Variants in PBX1 observed in about 807,000 individuals in gnomAD.
The protein encoded by PBX1 is PBX homeobox 1, also known as pre-B-cell leukemia transcription factor 1.
PBX1 carries 6 observed loss-of-function variants against 53.4 expected under a neutral mutation model. The ratio of observed to expected loss-of-function variants is 0.11; its 90% CI spans 0.06 to 0.22. The LOEUF is 0.22. Among genes scored for constraint, PBX1 ranks in the 10% least tolerant of loss-of-function variants. The pLI is 1.00. For missense variants in PBX1, 251 were observed against 551.4 expected, an observed-to-expected ratio of 0.46 and a Z score of 5.46; for synonymous variants, 204 against 212.3, an observed-to-expected ratio of 0.96 and a Z score of 0.34.
intron 8 of PBX1, 138 bp from the exon 9 acceptor site, chr1:164,846,446 T>C: frequency 1.3e-6 from 1 of 741,200 alleles, no homozygotes; most frequent in Non-Finnish European, 2.4e-6. Context: ...CCCACAGTAA[T>C]AGTTGCCCAT....
chr1:164,732,883 A>G (rs984510753), intron 2 of PBX1, among the ~76,000 whole-genome samples: 6 of 152,064 alleles, frequency 3.9e-5, no homozygotes, highest in African/African-American at 1.4e-4. Context: ...TGAATTCTCA[A>G]AGACAGAAAT....
chr1:164,663,273 CCTG>C (rs572959335), intron 2 of PBX1, among the ~76,000 whole-genome samples: 14 of 151,056 alleles, frequency 9.3e-5, no homozygotes, highest in African/African-American at 3.2e-4. Flanking sequence ...TGCCTGCCTG[CCTG>C]CCTGCCTTCC....
intron 2 of PBX1, among the ~76,000 whole-genome samples, chr1:164,771,968 G>A (rs1039817286): frequency 2.6e-5 from 4 of 152,192 alleles, no homozygotes; most frequent in African/African-American, 7.2e-5. Context: ...CTTTGTAAGG[G>A]AAGATAGAGC....
At chr1:164,764,737 G>A (rs74722164) in intron 2 of PBX1, among the ~76,000 whole-genome samples, 3,016 of 151,764 alleles carry the variant, frequency 0.02, 52 homozygotes, top group Non-Finnish European at 0.029. Context: ...TGGCAACTTC[G>A]GCCCACAAAT....
chr1:164,562,951 T>G (rs1037114067), intron 1 of PBX1: 4 of 192,816 alleles, frequency 2.1e-5, no homozygotes, highest in African/African-American at 9.5e-5. Context: ...GAATTACTCT[T>G]TGATTAAACT....
At chr1:164,693,293 G>T (rs748284090) in intron 2 of PBX1, among the ~76,000 whole-genome samples, 5 of 152,222 alleles carry the variant, frequency 3.3e-5, no homozygotes, top group Admixed American at 1.3e-4. Flanking sequence ...TTTCAGGGTG[G>T]CCCTGAGATA....
intron 2 of PBX1, among the ~76,000 whole-genome samples, chr1:164,750,243 A>G (rs372446266): frequency 7.2e-5 from 11 of 151,808 alleles, no homozygotes; most frequent in African/African-American, 2.7e-4. Flanking sequence ...CTTTCTTACT[A>G]AAATGCATGT....
At chr1:164,620,839 C>T (rs535301974) in intron 2 of PBX1, among the ~76,000 whole-genome samples, 38 of 151,868 alleles carry the variant, frequency 2.5e-4, no homozygotes, top group African/African-American at 8.0e-4. Flanking sequence ...CCTGCTGCCA[C>T]GCCAAGCTAA....
At chr1:164,814,510 G>C (rs1669781554) in intron 6 of PBX1, 1 of 152,182 alleles carries the variant, frequency 6.6e-6, no homozygotes, top group African/African-American at 2.4e-5. Flanking sequence ...GGGAGGCCGA[G>C]GCGGGCGGAT....
intron 2 of PBX1, among the ~76,000 whole-genome samples, chr1:164,664,935 A>G (rs1660721504): frequency 6.6e-6 from 1 of 152,190 alleles, no homozygotes; most frequent in African/African-American, 2.4e-5. Context: ...TCAAGATGAG[A>G]TTTGGATGGG....
chr1:164,726,310 G>C (rs1040757999), intron 2 of PBX1, among the ~76,000 whole-genome samples: 15 of 152,178 alleles, frequency 9.9e-5, no homozygotes, highest in Non-Finnish European at 2.2e-4. Context: ...GTTTAGTGTA[G>C]AGAAAATGGG....
chr1:164,683,275 G>A (rs1246470615), intron 2 of PBX1: 1 of 152,170 alleles, frequency 6.6e-6, no homozygotes, highest in Non-Finnish European at 1.5e-5. Context: ...CCATTTTACA[G>A]AAGAAGAAAC....
chr1:164,645,878 G>A (rs1300891303), intron 2 of PBX1, among the ~76,000 whole-genome samples: 2 of 152,132 alleles, frequency 1.3e-5, no homozygotes, highest in Non-Finnish European at 2.9e-5. Context: ...TGAATTTTGA[G>A]GCAGGAGTTG....
chr1:164,752,815 A>T (rs1666308893), intron 2 of PBX1, among the ~76,000 whole-genome samples: 1 of 152,210 alleles, frequency 6.6e-6, no homozygotes, highest in Non-Finnish European at 1.5e-5. Flanking sequence ...TCATTGGGGT[A>T]AGGAAGATGA....
At chr1:164,731,969 C>T (rs896240394) in intron 2 of PBX1, among the ~76,000 whole-genome samples, 6 of 152,224 alleles carry the variant, frequency 3.9e-5, no homozygotes, top group Admixed American at 6.5e-5. Flanking sequence ...CCTCATAGTG[C>T]GTCAACTACC....
chr1:164,746,763 T>G (rs1665916726), intron 2 of PBX1, among the ~76,000 whole-genome samples: 1 of 152,090 alleles, frequency 6.6e-6, no homozygotes, highest in Non-Finnish European at 1.5e-5. Context: ...GATAAAGCAG[T>G]TTTATATTGC....
chr1:164,715,095 T>C (rs1664010249), intron 2 of PBX1, among the ~76,000 whole-genome samples: 1 of 151,854 alleles, frequency 6.6e-6, no homozygotes, highest in African/African-American at 2.4e-5. Flanking sequence ...ACTCATAAAG[T>C]GCTCTACACA....
chr1:164,672,025 G>A (rs986017294), intron 2 of PBX1, among the ~76,000 whole-genome samples: 2 of 135,012 alleles, frequency 1.5e-5, no homozygotes, highest in Admixed American at 1.7e-4. Flanking sequence ...TACTCTGGTT[G>A]TTTTTCTTTC....
At chr1:164,576,526 G>T (rs868426733) in intron 2 of PBX1, among the ~76,000 whole-genome samples, 1 of 152,228 alleles carries the variant, frequency 6.6e-6, no homozygotes, top group African/African-American at 2.4e-5. Context: ...GCACGTCACC[G>T]GCCGCCAGCG....
Sources: allele counts gnomAD v4.1 joint callset (sites outside exome capture counted in the v4.1 genomes callset), GRCh38; gene constraint gnomAD v4.1.1; transcripts MANE v1.5; gene names NCBI Gene and HGNC (gene_info 2026-07-23, HGNC 2026-07-21).